Variants in VAT1L observed in about 807,000 individuals in gnomAD.
VAT1L encodes vesicle amine transport 1 like, also known as putative NADPH-dependent quinone oxidoreductase VAT1L.
Under a neutral mutation model 44.1 loss-of-function variants are expected in VAT1L, and 34 were observed. The observed-to-expected ratio is 0.77, with a 90% CI of 0.59 to 1.03. The LOEUF (loss-of-function observed/expected upper bound fraction) is 1.03, where lower values mean the gene tolerates loss of function less well. Among genes scored for constraint, VAT1L ranks in the 50% least tolerant of loss-of-function variants. The pLI is 0.00. For missense variants in VAT1L, 615 were observed against 538.8 expected, an observed-to-expected ratio of 1.14 and a Z score of -1.40; for synonymous variants, 253 against 202.2, an observed-to-expected ratio of 1.25 and a Z score of -2.13.
intron 8 of VAT1L, among the ~76,000 whole-genome samples, chr16:77,973,644 C>T (rs2018304199): frequency 6.7e-6 from 1 of 150,012 alleles, no homozygotes; most frequent in Non-Finnish European, 1.5e-5. Flanking sequence ...CATTTACATA[C>T]ACATTGATTC....
chr16:77,871,214 C>G lies in VAT1L; in HGVS notation c.723-5156C>G, dbSNP rs952516407. 7.2e-5 allele frequency among the ~76,000 whole-genome samples: 11 copies of G among 152,112 alleles called. No homozygotes were observed. The East Asian group carries it at 2.1e-3, about 29-fold the overall frequency. On this transcript the variant is annotated intron_variant, in intron 4 of 8. Coordinates refer to ENST00000302536, the MANE Select transcript of VAT1L (RefSeq NM_020927.3). Reference sequence around the variant, plus strand: ...CTGCCCAACTTCTCCCCCTCAGAATCCACCTCCCCTACCTCCTCCCACCCT... The same window carrying G: ...CTGCCCAACTTCTCCCCCTCAGAATGCACCTCCCCTACCTCCTCCCACCCT...
Position 77,941,362 on chromosome 16 carries a change from T to A in VAT1L, c.1078-30488T>A, listed in dbSNP as rs144268337. On this transcript the variant is annotated intron_variant, in intron 7 of 8. Coordinates refer to ENST00000302536, the MANE Select transcript of VAT1L (RefSeq NM_020927.3). ...AAACAGATTTTGATTCAAGTTATGA[T>A]GTGCTGTCATATGTTGATTTGTATC... Among the ~76,000 whole-genome samples, 107 of 152,304 alleles carry A rather than the reference T, an allele frequency of 7.0e-4. 1 individual carries two copies. In the South Asian group the frequency reaches 1.0e-2, roughly 14 times the overall value.
intron 1 of VAT1L, among the ~76,000 whole-genome samples, chr16:77,805,993 G>T (rs572347690): frequency 6.6e-6 from 1 of 150,966 alleles, no homozygotes; most frequent in East Asian, 2.0e-4. Flanking sequence ...CTCCTGAGCA[G>T]CTGGGATTAC....
At chr16:77,947,333 C>G (rs573929184) in intron 7 of VAT1L, among the ~76,000 whole-genome samples, 1 of 152,162 alleles carries the variant, frequency 6.6e-6, no homozygotes, top group East Asian at 1.9e-4. Context: ...TTTAGGGACT[C>G]TTTTCACCCT....
intron 8 of VAT1L, among the ~76,000 whole-genome samples, chr16:77,973,530 G>A (rs913596425): frequency 6.6e-6 from 1 of 151,982 alleles, no homozygotes; most frequent in Non-Finnish European, 1.5e-5. Context: ...TGATACGCCC[G>A]CCTCAGCCTC....
At position 77,839,262 on chromosome 16, in the gene VAT1L, G is replaced by A. The variant is rs535677430; in HGVS notation, c.579+13801G>A. On this transcript the variant is annotated intron_variant, in intron 3 of 8. Coordinates refer to ENST00000302536, the MANE Select transcript of VAT1L (RefSeq NM_020927.3). ...AGAATGGGCAACAACACGGCCGGGC[G>A]CGATGGCTCACGCCTGTAATCCTAG... Among the ~76,000 whole-genome samples the A allele has an allele frequency of 2.6e-5, 4 of 152,090 alleles. No homozygotes were observed. In the South Asian group the frequency reaches 6.2e-4, roughly 24 times the overall value.
chr16:77,788,671 C>A lies in VAT1L; in HGVS notation c.-12C>A, dbSNP rs1370815392. 8 of 1,547,664 alleles carry A rather than the reference C, an allele frequency of 5.2e-6. No individual in the cohort carries two copies. The Admixed American group carries it at 1.6e-4, about 30-fold the overall frequency. ...GCCACCGCAGCCCGTGCGCCCCGCG[C>A]CCTCGAGCGCCATGGCCAAGGAAGG... is the stretch of plus-strand genomic sequence containing the variant. On this transcript the variant is annotated 5_prime_UTR_variant, in exon 1 of 9. Transcript: ENST00000302536.
intron 8 of VAT1L, among the ~76,000 whole-genome samples, chr16:77,975,982 A>G (rs745435122): frequency 2.6e-5 from 4 of 152,168 alleles, no homozygotes; most frequent in Non-Finnish European, 5.9e-5. Context: ...AATTACTACT[A>G]TTGCTGCTAC....
intron 7 of VAT1L, among the ~76,000 whole-genome samples, chr16:77,961,043 T>A (rs995414232): frequency 2.6e-5 from 4 of 152,150 alleles, no homozygotes; most frequent in African/African-American, 9.7e-5. Flanking sequence ...TGAGTCTAGC[T>A]ACACAGAGTG....
At chr16:77,882,716 G>C (rs890257746) in intron 6 of VAT1L, among the ~76,000 whole-genome samples, 1 of 152,208 alleles carries the variant, frequency 6.6e-6, no homozygotes, top group African/African-American at 2.4e-5. Context: ...CATTCACTGA[G>C]GCATTGCAGA....
At chr16:77,955,364 G>GACAGCCC in intron 7 of VAT1L, among the ~76,000 whole-genome samples, 1 of 152,268 alleles carries the variant, frequency 6.6e-6, no homozygotes, top group Admixed American at 6.5e-5. Flanking sequence ...CAGTGCCCAG[G>GACAGCCC]ACAGCCCCCA....
intron 1 of VAT1L, chr16:77,800,114 A>G (rs2016019786): frequency 6.6e-6 from 1 of 152,202 alleles, no homozygotes; most frequent in Non-Finnish European, 1.5e-5. Context: ...CTGGAAGAAT[A>G]CCAAACTATG....
intron 1 of VAT1L, among the ~76,000 whole-genome samples, chr16:77,795,482 A>C (rs186134412): frequency 6.6e-6 from 1 of 152,304 alleles, no homozygotes; most frequent in East Asian, 1.9e-4. Context: ...CACTGTTGTC[A>C]TACTTCTGAT....
At chr16:77,852,885 T>C (rs781073198) in intron 3 of VAT1L, among the ~76,000 whole-genome samples, 2 of 152,192 alleles carry the variant, frequency 1.3e-5, no homozygotes, top group Non-Finnish European at 2.9e-5. Context: ...GGTTCTTCCA[T>C]CTGGGAAATG....
chr16:77,887,126 G>A (rs1359263025), intron 7 of VAT1L, among the ~76,000 whole-genome samples: 1 of 152,130 alleles, frequency 6.6e-6, no homozygotes, highest in Non-Finnish European at 1.5e-5. Context: ...AGAAACTAAA[G>A]GGAGAGAATT....
At position 77,879,298 on chromosome 16, in the gene VAT1L, T is replaced by G; in HGVS notation, c.882+74T>G. 6.6e-7 allele frequency: 1 copy of G among 1,516,646 alleles called. No homozygotes were observed. Among genetic ancestry groups the G allele is most frequent in the Non-Finnish European group, 9.2e-7 (1 of 1,092,696 alleles). The allele number at this position is 1,516,646 out of a possible 1,614,324, so 93.9% of individuals were successfully genotyped here. ...ATGTTGAGAGCTTTGTTTTTGTTTG[T>G]TTGTTTGTTTTGAGACAGCGTCTCG... is the stretch of plus-strand genomic sequence containing the variant. On this transcript the variant is annotated intron_variant, in intron 6 of 8. Coordinates refer to ENST00000302536, the MANE Select transcript of VAT1L (RefSeq NM_020927.3). The surrounding 1 kb of genome is among the most constrained non-coding windows in gnomAD (Gnocchi z 4.1).
At chr16:77,939,298 G>A (rs1379963838) in intron 7 of VAT1L, among the ~76,000 whole-genome samples, 1 of 152,208 alleles carries the variant, frequency 6.6e-6, no homozygotes, top group East Asian at 1.9e-4. Flanking sequence ...GAGCCAGTAT[G>A]CACGAGCTCC....
At chr16:77,934,652 G>A (rs78244736) in intron 7 of VAT1L, among the ~76,000 whole-genome samples, 5,962 of 152,234 alleles carry the variant, frequency 0.039, 250 homozygotes, top group East Asian at 0.18. Context: ...TAATTTAGTG[G>A]GATGTGAACA....
At chr16:77,899,132 G>C (rs1325718609) in intron 7 of VAT1L, among the ~76,000 whole-genome samples, 2 of 152,158 alleles carry the variant, frequency 1.3e-5, no homozygotes, top group Non-Finnish European at 2.9e-5. Flanking sequence ...CAATCCTGTA[G>C]GGAAAGAACT....
Sources: gnomAD v4.1 joint callset for allele counts (sites outside exome capture counted in the v4.1 genomes callset) on GRCh38, gnomAD v4.1.1 for gene constraint, Gnocchi (gnomAD v3.1) non-coding constraint, MANE v1.5 for transcripts, NCBI Gene and HGNC (gene_info 2026-07-23, HGNC 2026-07-21) for gene names.